CACHD1: variants seen among roughly 807,000 people sequenced by gnomAD.
CACHD1 encodes the protein cache domain containing 1, also known as VWFA and cache domain-containing protein 1.
A neutral mutation model predicts 138.7 loss-of-function variants in CACHD1; 71 were observed. The ratio of observed to expected loss-of-function variants is 0.51; its 90% CI spans 0.42 to 0.62. The LOEUF is 0.62. Among genes scored for constraint, CACHD1 ranks in the 20% least tolerant of loss-of-function variants. CACHD1 has a pLI of 0.00. For missense variants in CACHD1, 1,389 were observed against 1,625.3 expected (o/e 0.85, Z 2.50); for synonymous variants, 578 against 591.5 (o/e 0.98, Z 0.33).
chr1:64,674,675 A>G (rs570394341), intron 19 of CACHD1, among the ~76,000 whole-genome samples: 6 of 152,318 alleles, frequency 3.9e-5, no homozygotes, highest in Middle Eastern at 3.4e-3. Flanking sequence ...CACCAAGCAT[A>G]TATACAGGGT....
In CACHD1 at chr1:64,679,680, G is replaced by A. The variant is rs1490259575; in HGVS notation, c.3330G>A (p.Leu1110=). The A allele has an allele frequency of 6.2e-7, 1 of 1,614,052 alleles. No individual in the cohort carries two copies. The highest frequency in any genetic ancestry group is 8.5e-7 in the Non-Finnish European group (1 of 1,180,026). The part of the protein sequence containing the change: ...AGGIMGCIMV[L]VLAVYAYRHQ... ...GGATCATGGGATGCATCATGGTCTTGGTCCTGGCGGTGTATGCCTACCGCC... is the reference window on the plus strand; with the variant it reads ...GGATCATGGGATGCATCATGGTCTTAGTCCTGGCGGTGTATGCCTACCGCC... The change falls in exon 24 of 27, where the codon TTG becomes TTA. Residue 1110 remains leucine (L), a synonymous_variant. Coordinates refer to ENST00000651257, the MANE Select transcript of CACHD1 (RefSeq NM_020925.4).
intron 2 of CACHD1, among the ~76,000 whole-genome samples, chr1:64,553,721 C>G (rs1234524366): frequency 6.6e-6 from 1 of 152,184 alleles, no homozygotes; most frequent in African/African-American, 2.4e-5. Flanking sequence ...CTTCCTCTCT[C>G]CCTCTCAGAG....
intron 4 of CACHD1, among the ~76,000 whole-genome samples, chr1:64,619,864 G>A (rs1411604726): frequency 2.0e-5 from 3 of 152,114 alleles, no homozygotes; most frequent in Admixed American, 6.6e-5. Flanking sequence ...TATAATAACT[G>A]TATGGACATA....
intron 26 of CACHD1, among the ~76,000 whole-genome samples, chr1:64,688,441 A>G (rs986685038): frequency 6.6e-6 from 1 of 152,128 alleles, no homozygotes; most frequent in Non-Finnish European, 1.5e-5. Flanking sequence ...TTTGCTCAGT[A>G]TCTGAACCTA....
chr1:64,663,848 G>A lies in CACHD1; in HGVS notation c.2094+11G>A, dbSNP rs1649534475. 1 of 1,614,074 alleles carries A rather than the reference G, an allele frequency of 6.2e-7. No homozygotes were observed. Among genetic ancestry groups the A allele is most frequent in the Non-Finnish European group, 8.5e-7 (1 of 1,179,970 alleles). ...AACCCGGGCCTCAAAGTAAGCATTG[G>A]CGCAGAGCTCCATTTCTGGTGTCCC... On this transcript the variant is annotated intron_variant, in intron 14 of 26. Coordinates refer to ENST00000651257, the MANE Select transcript of CACHD1 (RefSeq NM_020925.4).
At chr1:64,547,868 C>T (rs1646729806) in intron 1 of CACHD1, among the ~76,000 whole-genome samples, 1 of 152,246 alleles carries the variant, frequency 6.6e-6, no homozygotes, top group Admixed American at 6.5e-5. Flanking sequence ...TAACCTAACA[C>T]ATCCCCTTTC....
intron 4 of CACHD1, among the ~76,000 whole-genome samples, chr1:64,622,647 G>A (rs969883316): frequency 1.3e-5 from 2 of 152,102 alleles, no homozygotes; most frequent in African/African-American, 4.8e-5. Context: ...TAATACGGAA[G>A]TACTATATGT....
intron 2 of CACHD1, among the ~76,000 whole-genome samples, chr1:64,577,973 T>C (rs1646982139): frequency 6.6e-6 from 1 of 152,120 alleles, no homozygotes; most frequent in Non-Finnish European, 1.5e-5. Context: ...CCAGGGCTGC[T>C]CTCCCATCAA....
chr1:64,613,916 C>T (rs949478585), intron 4 of CACHD1, among the ~76,000 whole-genome samples: 19 of 152,184 alleles, frequency 1.2e-4, no homozygotes, highest in Admixed American at 2.6e-4. Context: ...TATTGAATAA[C>T]CACCTTCAGG....
At chr1:64,537,972 CATTT>C (rs750995351) in intron 1 of CACHD1, among the ~76,000 whole-genome samples, 6 of 152,098 alleles carry the variant, frequency 3.9e-5, no homozygotes, top group Non-Finnish European at 7.3e-5. Flanking sequence ...TTCTACCCAG[CATTT>C]ATTTATTAAG....
chr1:64,538,635 G>A (rs1038071416), intron 1 of CACHD1, among the ~76,000 whole-genome samples: 4 of 152,278 alleles, frequency 2.6e-5, no homozygotes, highest in African/African-American at 9.6e-5. Context: ...GCTGCAATTT[G>A]ATATTATTAG....
intron 1 of CACHD1, among the ~76,000 whole-genome samples, chr1:64,484,427 A>G (rs545742504): frequency 1.3e-5 from 2 of 152,164 alleles, no homozygotes; most frequent in African/African-American, 4.8e-5. Context: ...GACAGCATAC[A>G]AGCAGAAGGG....
At chr1:64,610,437 G>A (rs1007618409) in intron 4 of CACHD1, among the ~76,000 whole-genome samples, 2 of 152,174 alleles carry the variant, frequency 1.3e-5, no homozygotes, top group African/African-American at 4.8e-5. Context: ...GATACAATGG[G>A]GGTACAGGCA....
At chr1:64,651,341 A>ACCT (rs1410368953) in intron 9 of CACHD1, among the ~76,000 whole-genome samples, 1 of 152,108 alleles carries the variant, frequency 6.6e-6, no homozygotes, top group African/African-American at 2.4e-5. Flanking sequence ...CAGATACTGT[A>ACCT]CCTTTCTAAA....
rs965351971 is a variant in CACHD1 at position 64,679,622 on chromosome 1, T to C, written c.3272T>C (p.Ile1091Thr). Reference sequence around the variant, plus strand: ...GATGAGGTGATCACATTAAACATGATTAAAAGCGCCCCTGTGGGTCCTGTG... The same window carrying C: ...GATGAGGTGATCACATTAAACATGACTAAAAGCGCCCCTGTGGGTCCTGTG... ...IGDEVITLNMIKSAPVGPVAG... is the reference protein window; with the variant it reads ...IGDEVITLNMTKSAPVGPVAG... Residue 1091 changes from isoleucine to threonine, a missense_variant, in exon 24 of 27, where the codon ATT (isoleucine) becomes ACT (threonine). Physicochemically the swap from Ile to Thr is moderately conservative, Grantham distance 89. Transcript: ENST00000651257. 3 of 1,614,096 alleles carry C rather than the reference T, an allele frequency of 1.9e-6. No individual in the cohort carries two copies. The highest frequency in any genetic ancestry group is 2.5e-6 in the Non-Finnish European group (3 of 1,180,036).
At chr1:64,516,665 C>G (rs946363131) in intron 1 of CACHD1, among the ~76,000 whole-genome samples, 1 of 152,204 alleles carries the variant, frequency 6.6e-6, no homozygotes, top group African/African-American at 2.4e-5. Context: ...ATTACTCACA[C>G]ATTGACCTCA....
At position 64,534,570 on chromosome 1, in the gene CACHD1, A is replaced by C. The variant is rs376373319; in HGVS notation, c.199-16024A>C. Reference sequence around the variant, plus strand: ...ATGACTTTGCATAATATTTGGATGGAATGTCCCTTCCTCACACTTGCCACT... The same window carrying C: ...ATGACTTTGCATAATATTTGGATGGCATGTCCCTTCCTCACACTTGCCACT... On this transcript the variant is annotated intron_variant, in intron 1 of 26. Transcript: ENST00000651257. Among the ~76,000 whole-genome samples, 15 of 152,288 alleles carry C rather than the reference A, an allele frequency of 9.8e-5. No homozygotes were observed. The East Asian group carries it at 2.7e-3, about 27-fold the overall frequency.
rs1553146851 is a variant in CACHD1, at chr1:64,681,541, G to GGTTTTT, written c.3484+206_3484+207insGTTTTT. Reference sequence around the variant, plus strand: ...AGAGAATCTCAAAAGATTTTATTGTGTTTTTTTTTTTTTTTTTTTTTTTGC... The same window carrying GGTTTTT: ...AGAGAATCTCAAAAGATTTTATTGTGGTTTTTTTTTTTTTTTTTTTTTTTTTTTTGC... On this transcript the variant is annotated intron_variant, in intron 25 of 26. Transcript: ENST00000651257. 3.5e-4 allele frequency among the ~76,000 whole-genome samples: 24 copies of GGTTTTT among 68,138 alleles called. 1 individual carries two copies. The highest frequency in any genetic ancestry group is 1.2e-3 in the East Asian group (2 of 1,714). The allele number at this position is 68,138 out of a possible 152,430, so 44.7% of individuals were successfully genotyped here. A position where few individuals can be genotyped will look rare whatever the true frequency, so the allele number is the denominator to read the frequency against.
chr1:64,500,210 G>T (rs1454570915), intron 1 of CACHD1, among the ~76,000 whole-genome samples: 2 of 152,162 alleles, frequency 1.3e-5, no homozygotes, highest in African/African-American at 2.4e-5. Flanking sequence ...GCCATGACTG[G>T]TCACATGACT....
Sources: gnomAD v4.1 joint callset for allele counts (sites outside exome capture counted in the v4.1 genomes callset) on GRCh38, gnomAD v4.1.1 for gene constraint, MANE v1.5 for transcripts, NCBI Gene and HGNC (gene_info 2026-07-23, HGNC 2026-07-21) for gene names.